TRIM16: variants seen among roughly 807,000 people sequenced by gnomAD.
TRIM16 encodes tripartite motif containing 16.
In TRIM16, 33 loss-of-function variants were observed where a neutral mutation model predicts 50.4. The ratio of observed to expected loss-of-function variants is 0.65; its 90% CI spans 0.50 to 0.88. TRIM16 has a LOEUF of 0.88. Ranked by LOEUF, TRIM16 falls within the 40% of genes least tolerant of loss-of-function variation. The probability of loss-of-function intolerance (pLI) is 0.00; values close to 1 mark genes in which losing one functional copy is unlikely to be tolerated. For synonymous variants in TRIM16, 229 were observed against 270.7 expected, an observed-to-expected ratio of 0.85 and a Z score of 1.51; for missense variants, 581 against 686.8, an observed-to-expected ratio of 0.85 and a Z score of 1.72.
At chr17:15,657,480 T>G (rs1433921657) in intron 6 of TRIM16, among the ~76,000 whole-genome samples, 1 of 152,182 alleles carries the variant, frequency 6.6e-6, no homozygotes, top group East Asian at 1.9e-4. Flanking sequence ...CCACCATCTA[T>G]CTCCACAACT....
At chr17:15,652,460 T>TTC (rs1987772348) in intron 6 of TRIM16, among the ~76,000 whole-genome samples, 1 of 116,532 alleles carries the variant, frequency 8.6e-6, no homozygotes, top group Non-Finnish European at 1.8e-5. Context: ...CCCACCTTTT[T>TTC]TTTTTTTTTT....
intron 6 of TRIM16, among the ~76,000 whole-genome samples, chr17:15,655,339 G>C (rs967905609): frequency 6.6e-6 from 1 of 152,114 alleles, no homozygotes; most frequent in East Asian, 1.9e-4. Flanking sequence ...GGGTTTCCAC[G>C]TGGCTCACTT....
Position 15,680,871 on chromosome 17 carries a change from C to T in TRIM16, c.-596G>A. ...AGGAAAATCCCCAACTCACCTGGGA[C>T]TCTGCTGTCCGGCAAAGAGCAGCCA... On this transcript the variant is annotated 5_prime_UTR_variant, in exon 4 of 12. Transcript: ENST00000649191. 6.5e-7 allele frequency: 1 copy of T among 1,544,358 alleles called. No individual in the cohort carries two copies. Among genetic ancestry groups the T allele is most frequent in the Non-Finnish European group, 8.7e-7 (1 of 1,145,526 alleles).
At chr17:15,680,521 A>G (rs559856943) in intron 4 of TRIM16, among the ~76,000 whole-genome samples, 140 of 152,168 alleles carry the variant, frequency 9.2e-4, no homozygotes, top group South Asian at 7.9e-3. Context: ...ACCATGTTCT[A>G]GGAGTCACGC....
intron 6 of TRIM16, among the ~76,000 whole-genome samples, chr17:15,666,921 G>A (rs1376622310): frequency 6.6e-6 from 1 of 152,186 alleles, no homozygotes; most frequent in Admixed American, 6.5e-5. Context: ...CATCTCTTAC[G>A]GGCATCGTGT....
At chr17:15,640,320 T>C (rs923670837) in intron 8 of TRIM16, among the ~76,000 whole-genome samples, 3 of 148,504 alleles carry the variant, frequency 2.0e-5, no homozygotes, top group African/African-American at 7.5e-5. Context: ...TTTCAGCCCA[T>C]GGGCTGTGGC....
intron 7 of TRIM16, among the ~76,000 whole-genome samples, chr17:15,646,811 C>T (rs1313136721): frequency 6.6e-6 from 1 of 152,082 alleles, no homozygotes; most frequent in Non-Finnish European, 1.5e-5. Context: ...CTGCATGCCT[C>T]GGTCAGCTGC....
intron 4 of TRIM16, among the ~76,000 whole-genome samples, chr17:15,680,445 T>G (rs1202538873): frequency 6.6e-6 from 1 of 151,746 alleles, no homozygotes; most frequent in African/African-American, 2.4e-5. Flanking sequence ...AAGAAATGCC[T>G]CACGTGCCTT....
Position 15,677,215 on chromosome 17 carries a change from G to A in TRIM16, c.-377C>T. 2 of 985,390 alleles carry A rather than the reference G, an allele frequency of 2.0e-6. No individual in the cohort carries two copies. The highest frequency in any genetic ancestry group is 3.5e-5 in the African/African-American group (2 of 57,332). The allele number at this position is 985,390 out of a possible 1,614,324, so 61.0% of individuals were successfully genotyped here. A position where few individuals can be genotyped will look rare whatever the true frequency, so the allele number is the denominator to read the frequency against. ...CTTGGCACCTCTCCCTCCTGCATTT[G>A]TGTTCGTGGGCTTACCACTTCTTCC... is the stretch of plus-strand genomic sequence containing the variant. On this transcript the variant is annotated 5_prime_UTR_variant, in exon 6 of 12. Transcript: ENST00000649191.
At chr17:15,632,488 A>G in intron 10 of TRIM16, 21 bp downstream of exon 10, 1 of 1,603,514 alleles carries the variant, frequency 6.2e-7, no homozygotes, top group Non-Finnish European at 8.5e-7. Context: ...ACTATAGTCC[A>G]TGGCCCAGAA....
chr17:15,665,406 G>A (rs1444910720), intron 6 of TRIM16, among the ~76,000 whole-genome samples: 1 of 152,206 alleles, frequency 6.6e-6, no homozygotes, highest in Non-Finnish European at 1.5e-5. Context: ...CTACTCAGGA[G>A]GCTGAGGCAG....
rs1986437941 is a variant in TRIM16, at chr17:15,631,812, G to T, written c.1016-98C>A. On this transcript the variant is annotated intron_variant, in intron 10 of 11. Transcript: ENST00000649191. ...AGCCACCCTTCCCTGGGCTTCCTGG[G>T]GAAAGAAGGGGCTGAAGCCTGGTAA... The T allele has an allele frequency of 5.9e-5, 63 of 1,072,296 alleles. 1 individual carries two copies. The South Asian group carries it at 8.2e-4, about 14-fold the overall frequency. 66.4% of individuals were successfully genotyped at this position (1,072,296 alleles called of 1,614,324 possible).
rs1048654226 is a variant in TRIM16, at chr17:15,651,702, T to C, written c.-93A>G. On this transcript the variant is annotated 5_prime_UTR_variant, in exon 7 of 12. Coordinates refer to ENST00000649191, the MANE Select transcript of TRIM16 (RefSeq NM_001348119.1). ...AGACAAGAGAACCACGCCTAGATGA[T>C]TGCAGCTGCTGCAAGATTTTAACTG... is the stretch of plus-strand genomic sequence containing the variant. 2.1e-5 allele frequency: 33 copies of C among 1,544,942 alleles called. No individual in the cohort carries two copies. Among genetic ancestry groups the C allele is most frequent in the African/African-American group, 9.6e-5 (7 of 73,050 alleles).
chr17:15,651,082 A>T lies in TRIM16; in HGVS notation c.519+9T>A, dbSNP rs560522804. 11 of 1,596,814 alleles carry T rather than the reference A, an allele frequency of 6.9e-6. No individual in the cohort carries two copies. The East Asian group carries it at 2.0e-4, about 29-fold the overall frequency. ...CTCCCAAATGGATGAATGGTCCCCA[A>T]GCACTCACCTCCTTGTCCCTGCGGG... On this transcript the variant is annotated intron_variant, in intron 7 of 11. Transcript: ENST00000649191.
In TRIM16 at chr17:15,629,020, A is replaced by G. The variant is rs1284682516; in HGVS notation, c.1290T>C (p.Tyr430=). The G allele has an allele frequency of 6.2e-7, 1 of 1,614,114 alleles. No individual in the cohort carries two copies. The highest frequency in any genetic ancestry group is 1.1e-5 in the South Asian group (1 of 91,082). ...CTGCCCCGAAGATCTCCACCTCAAA[A>G]TAGTACCTGTGCAGGTACAGACTCT... ...SQQSLYLHRY[Y]FEVEIFGAGT... Residue 430 remains tyrosine, a synonymous_variant, in exon 12 of 12, where the codon TAT becomes TAC. Coordinates refer to ENST00000649191, the MANE Select transcript of TRIM16 (RefSeq NM_001348119.1).
Position 15,651,356 on chromosome 17 carries a change from C to T in TRIM16, c.254G>A (p.Arg85Lys). ...VLCDFCLDDTRRVKAVKSCLT... is the reference protein window; with the variant it reads ...VLCDFCLDDTKRVKAVKSCLT... ...ACAGGACTTCACTGCCTTCACTCTTCTGGTGTCATCAAGGCAGAAGTCACA... is the reference window on the plus strand; with the variant it reads ...ACAGGACTTCACTGCCTTCACTCTTTTGGTGTCATCAAGGCAGAAGTCACA... Residue 85 changes from arginine (R) to lysine (K), a missense_variant, in exon 7 of 12, where the codon AGA becomes AAA. Physicochemically the swap from Arg to Lys is conservative, Grantham distance 26. This residue lies in a region of TRIM16 where 450 missense variants were observed against 544.3 expected (regional missense o/e 0.83). Coordinates refer to ENST00000649191, the MANE Select transcript of TRIM16 (RefSeq NM_001348119.1). 2 of 1,614,228 alleles carry T rather than the reference C, an allele frequency of 1.2e-6. No homozygotes were observed. Among genetic ancestry groups the T allele is most frequent in the Non-Finnish European group, 1.7e-6 (2 of 1,180,036 alleles).
At chr17:15,637,334 C>A (rs1449663664) in intron 8 of TRIM16, among the ~76,000 whole-genome samples, 1 of 112,880 alleles carries the variant, frequency 8.9e-6, no homozygotes, top group Non-Finnish European at 1.8e-5. Context: ...CCACCCCGTC[C>A]GGGAGGGAGA....
At chr17:15,645,946 T>C (rs1987355350) in intron 7 of TRIM16, among the ~76,000 whole-genome samples, 1 of 152,200 alleles carries the variant, frequency 6.6e-6, no homozygotes, top group South Asian at 2.1e-4. Flanking sequence ...CAGTGACCCA[T>C]TCCAGGGGAG....
intron 7 of TRIM16, among the ~76,000 whole-genome samples, chr17:15,648,656 C>T (rs1046662039): frequency 3.9e-5 from 6 of 152,180 alleles, no homozygotes; most frequent in African/African-American, 1.2e-4. Flanking sequence ...ACTGGGCTTC[C>T]GGAGCCTTAG....
Sources: gnomAD v4.1 joint callset for allele counts (sites outside exome capture counted in the v4.1 genomes callset) on GRCh38, gnomAD v4.1.1 for gene constraint, gnomAD v4.1.1 regional missense constraint, MANE v1.5 for transcripts, NCBI Gene and HGNC (gene_info 2026-07-23, HGNC 2026-07-21) for gene names.